The following CREBL2 variants were observed in gnomAD, a reference collection of about 807,000 sequenced individuals.
CREBL2 encodes the protein cAMP responsive element binding protein like 2.
CREBL2 carries 4 observed loss-of-function variants against 19.5 expected under a neutral mutation model. The observed-to-expected ratio is 0.20, with a 90% CI of 0.10 to 0.47. The LOEUF (loss-of-function observed/expected upper bound fraction) is 0.47. Ranked by LOEUF, CREBL2 falls within the 20% of genes least tolerant of loss-of-function variation. The pLI, the probability that CREBL2 is intolerant of heterozygous loss-of-function variation, is 0.98. For missense variants in CREBL2, 85 were observed against 145.1 expected, an observed-to-expected ratio of 0.59 and a Z score of 2.13; for synonymous variants, 42 against 46.6, an observed-to-expected ratio of 0.90 and a Z score of 0.40.
chr12:12,637,834 A>G (rs149448994), intron 3 of CREBL2, 120 bp downstream of exon 3: 32,316 of 1,118,318 alleles, frequency 0.029, 540 homozygotes, highest in Non-Finnish European at 0.034. Context: ...TGAGCCCAGG[A>G]GTTCAAGACC....
At chr12:12,617,643 C>CTTTTTTTTTTTTATTTT (rs1945321035) in intron 1 of CREBL2, among the ~76,000 whole-genome samples, 1 of 38,716 alleles carries the variant, frequency 2.6e-5, no homozygotes, top group Non-Finnish European at 5.4e-5. Flanking sequence ...TTTAGTAATT[C>CTTTTTTTTTTTTATTTT]TTTTTTTTTT....
intron 1 of CREBL2, among the ~76,000 whole-genome samples, chr12:12,622,062 A>T (rs1212495357): frequency 6.6e-6 from 1 of 152,202 alleles, no homozygotes; most frequent in Non-Finnish European, 1.5e-5. Context: ...TTTTGGACAG[A>T]TTATTTAATC....
chr12:12,632,243 A>T (rs1241659856), intron 1 of CREBL2, among the ~76,000 whole-genome samples: 1 of 151,092 alleles, frequency 6.6e-6, no homozygotes, highest in Non-Finnish European at 1.5e-5. Context: ...ACGCCCGGCT[A>T]ATTTTTTGTA....
intron 1 of CREBL2, among the ~76,000 whole-genome samples, chr12:12,617,837 C>G (rs1187984407): frequency 1.3e-5 from 2 of 150,666 alleles, no homozygotes; most frequent in Non-Finnish European, 3.0e-5. Context: ...TGTTTGTGTC[C>G]CTGGGTACTT....
chr12:12,629,121 A>T (rs1256502650), intron 1 of CREBL2, among the ~76,000 whole-genome samples: 2 of 152,134 alleles, frequency 1.3e-5, no homozygotes, highest in African/African-American at 4.8e-5. Context: ...TTTCCATGTG[A>T]ACTTTAGGAT....
intron 1 of CREBL2, among the ~76,000 whole-genome samples, chr12:12,628,354 T>C (rs1233739305): frequency 6.6e-6 from 1 of 152,206 alleles, no homozygotes; most frequent in African/African-American, 2.4e-5. Flanking sequence ...CTTTTTAAAA[T>C]TGGGTTGTCT....
intron 1 of CREBL2, among the ~76,000 whole-genome samples, chr12:12,632,002 T>C (rs1945445232): frequency 6.6e-6 from 1 of 151,906 alleles, no homozygotes; most frequent in African/African-American, 2.4e-5. Flanking sequence ...ATTATGTAGT[T>C]TTAAATGTAA....
At chr12:12,624,373 C>T (rs938079389) in intron 1 of CREBL2, among the ~76,000 whole-genome samples, 6 of 152,206 alleles carry the variant, frequency 3.9e-5, no homozygotes, top group African/African-American at 1.2e-4. Flanking sequence ...GGGAGATGCA[C>T]TGGGAACCTA....
At chr12:12,628,959 A>C (rs937514854) in intron 1 of CREBL2, among the ~76,000 whole-genome samples, 4 of 152,334 alleles carry the variant, frequency 2.6e-5, no homozygotes, top group African/African-American at 9.6e-5. Context: ...TGGATTCTCT[A>C]TGCTTTTCCA....
chr12:12,617,643 C>CTTTTTTTTTTTTTTTTTTTTTTTTT lies in CREBL2; in HGVS notation c.15+5470_15+5494dup, dbSNP rs66943066. 4.1e-4 allele frequency among the ~76,000 whole-genome samples: 16 copies of CTTTTTTTTTTTTTTTTTTTTTTTTT among 38,766 alleles called. 6 individuals are homozygous for CTTTTTTTTTTTTTTTTTTTTTTTTT. Among genetic ancestry groups the CTTTTTTTTTTTTTTTTTTTTTTTTT allele is most frequent in the Admixed American group, 7.4e-4 (2 of 2,694 alleles). The allele number at this position is 38,766 out of a possible 152,430, so 25.4% of individuals were successfully genotyped here. A position where few individuals can be genotyped will look rare whatever the true frequency, so the allele number is the denominator to read the frequency against. On this transcript the variant is annotated intron_variant, in intron 1 of 3. Coordinates refer to ENST00000228865, the MANE Select transcript of CREBL2 (RefSeq NM_001310.4). ...CCCTGAGATGCTCATTTTAGTAATTCTTTTTTTTTTTTTTTTTTTTTTTTT... is the reference window on the plus strand; with the variant it reads ...CCCTGAGATGCTCATTTTAGTAATTCTTTTTTTTTTTTTTTTTTTTTTTTTTTTTTTTTTTTTTTTTTTTTTTTTT...
Position 12,643,954 on chromosome 12 carries a change from AC to A in CREBL2, c.*1958del, listed in dbSNP as rs1945545846. 6.6e-6 allele frequency: 1 copy of A among 152,568 alleles called. No homozygotes were observed. The highest frequency in any genetic ancestry group is 2.4e-5 in the African/African-American group (1 of 41,424). 9.5% of individuals were successfully genotyped at this position (152,568 alleles called of 1,614,324 possible). On this transcript the variant is annotated 3_prime_UTR_variant, in exon 4 of 4. Coordinates refer to ENST00000228865, the MANE Select transcript of CREBL2 (RefSeq NM_001310.4). ...CTTACTTTATGTTGCTTTGTTCAGT[AC>A]CTTTTGAATTCCCCCAGAAGAGTTG... is the stretch of plus-strand genomic sequence containing the variant.
chr12:12,635,674 T>C, intron 1 of CREBL2, 103 bp from the exon 2 acceptor site: 1 of 1,356,638 alleles, frequency 7.4e-7, no homozygotes, highest in Admixed American at 2.6e-5. Flanking sequence ...AGGGCTTCAC[T>C]CACGTTTTGT....
chr12:12,625,655 T>A (rs570396696), intron 1 of CREBL2, among the ~76,000 whole-genome samples: 1 of 152,218 alleles, frequency 6.6e-6, no homozygotes, highest in Non-Finnish European at 1.5e-5. Flanking sequence ...GTCCTTGCTC[T>A]GATGGAAGTC....
At chr12:12,638,586 T>TTAA (rs374775811) in intron 3 of CREBL2, among the ~76,000 whole-genome samples, 1 of 152,092 alleles carries the variant, frequency 6.6e-6, no homozygotes, top group Non-Finnish European at 1.5e-5. Flanking sequence ...TAGCTTTTTG[T>TTAA]TAATAATAAT....
In CREBL2 at chr12:12,644,467, T is replaced by G. The variant is rs562686222; in HGVS notation, c.*2469T>G. 11 of 152,426 alleles carry G rather than the reference T, an allele frequency of 7.2e-5. No individual in the cohort carries two copies. The South Asian group carries it at 2.3e-3, about 32-fold the overall frequency. The allele number at this position is 152,426 out of a possible 1,614,324, so 9.4% of individuals were successfully genotyped here. On this transcript the variant is annotated 3_prime_UTR_variant, in exon 4 of 4. Coordinates refer to ENST00000228865, the MANE Select transcript of CREBL2 (RefSeq NM_001310.4). ...TGCTTTCTGAGTAAACAGAGTAATG[T>G]TTTTTTTCTTATTTTCCCAAAGAAA...
At chr12:12,620,545 C>T (rs910020672) in intron 1 of CREBL2, among the ~76,000 whole-genome samples, 2 of 152,168 alleles carry the variant, frequency 1.3e-5, no homozygotes, top group African/African-American at 2.4e-5. Flanking sequence ...CCTTTCTTGT[C>T]TAGGTTACAT....
chr12:12,611,972 C>T lies in CREBL2; in HGVS notation c.-201C>T. Reference sequence around the variant, plus strand: ...CGGCGAAGGGAGGCGTTTGGGGCCGCCTCCAGGGTCCGCTCTGCCATTCCT... The same window carrying T: ...CGGCGAAGGGAGGCGTTTGGGGCCGTCTCCAGGGTCCGCTCTGCCATTCCT... On this transcript the variant is annotated 5_prime_UTR_variant, in exon 1 of 4. Coordinates refer to ENST00000228865, the MANE Select transcript of CREBL2 (RefSeq NM_001310.4). 1.6e-6 allele frequency: 1 copy of T among 619,108 alleles called. No individual in the cohort carries two copies. The highest frequency in any genetic ancestry group is 2.9e-5 in the East Asian group (1 of 34,170). 38.4% of individuals were successfully genotyped at this position (619,108 alleles called of 1,614,324 possible). A position where few individuals can be genotyped will look rare whatever the true frequency, so the allele number is the denominator to read the frequency against.
intron 2 of CREBL2, 55 bp downstream of exon 2, chr12:12,636,029 A>G: frequency 1.4e-6 from 2 of 1,435,570 alleles, no homozygotes; most frequent in Non-Finnish European, 1.9e-6. Context: ...CAAATAAATA[A>G]TACATTAAAA....
intron 1 of CREBL2, among the ~76,000 whole-genome samples, chr12:12,619,041 CGGGAGAGGGAGAGGGAGAGGA>C (rs1330329256): frequency 6.7e-6 from 1 of 150,178 alleles, no homozygotes; most frequent in Non-Finnish European, 1.5e-5. Flanking sequence ...AAGTGGGAGA[CGGGAGAGGGAGAGGGAGAGGA>C]GGGAGAGGGA....
Sources: allele counts gnomAD v4.1 joint callset (sites outside exome capture counted in the v4.1 genomes callset), GRCh38; gene constraint gnomAD v4.1.1; transcripts MANE v1.5; gene names NCBI Gene and HGNC (gene_info 2026-07-23, HGNC 2026-07-21).